The following RASSF8 variants were observed in gnomAD, a reference collection of about 807,000 sequenced individuals.
RASSF8 encodes Ras association domain family member 8, also known as ras association domain-containing protein 8.
RASSF8 carries 22 observed loss-of-function variants against 48.5 expected under a neutral mutation model. The observed-to-expected ratio is 0.45, with a 90% CI of 0.32 to 0.65. The LOEUF is 0.65. RASSF8 is among the 30% of genes least tolerant of loss of function. The pLI, the probability that RASSF8 is intolerant of heterozygous loss-of-function variation, is 0.03. For synonymous variants in RASSF8, 127 were observed against 171.5 expected (o/e 0.74, Z 2.03); for missense variants, 418 against 489.2 (o/e 0.85, Z 1.37).
intron 2 of RASSF8, among the ~76,000 whole-genome samples, chr12:25,995,450 G>A (rs1231631090): frequency 6.6e-6 from 1 of 152,080 alleles, no homozygotes; most frequent in East Asian, 1.9e-4. Context: ...CCACTCTTGG[G>A]CTTTCTGAGC....
intron 3 of RASSF8, among the ~76,000 whole-genome samples, chr12:26,060,054 C>T (rs1358230601): frequency 1.3e-5 from 2 of 152,108 alleles, no homozygotes; most frequent in South Asian, 2.1e-4. Flanking sequence ...CCCACCACCA[C>T]GCCCAGCTAA....
In RASSF8 at chr12:26,071,882, C is replaced by A; in HGVS notation, c.*3064C>A. The A allele has an allele frequency of 1.0e-6, 1 of 984,808 alleles. No homozygotes were observed. The highest frequency in any genetic ancestry group is 1.2e-6 in the Non-Finnish European group (1 of 829,442). The allele number at this position is 984,808 out of a possible 1,614,324, so 61.0% of individuals were successfully genotyped here. The stretch of plus-strand genomic sequence containing the variant: ...AATATATAACAAGAACATGTAAGCA[C>A]TTGCTTCCACAGCATAAATGTAATT... On this transcript the variant is annotated 3_prime_UTR_variant, in exon 6 of 6. Coordinates refer to ENST00000689635, the MANE Select transcript of RASSF8 (RefSeq NM_001394098.1).
chr12:26,055,288 T>C lies in RASSF8; in HGVS notation c.-56T>C. On this transcript the variant is annotated 5_prime_UTR_variant, in exon 3 of 6. It removes an upstream start codon present in the reference 5' UTR. Transcript: ENST00000689635. Reference sequence around the variant, plus strand: ...CTCCGTGTTCCTGCAGCTAGAGACATGACCTAACACCCTGATGACCACTCT... The same window carrying C: ...CTCCGTGTTCCTGCAGCTAGAGACACGACCTAACACCCTGATGACCACTCT... 7.1e-7 allele frequency: 1 copy of C among 1,413,058 alleles called. No homozygotes were observed. Among genetic ancestry groups the C allele is most frequent in the South Asian group, 1.2e-5 (1 of 86,898 alleles). The allele number at this position is 1,413,058 out of a possible 1,614,324, so 87.5% of individuals were successfully genotyped here.
intron 2 of RASSF8, among the ~76,000 whole-genome samples, chr12:26,044,947 A>G (rs1257219197): frequency 6.6e-6 from 1 of 152,208 alleles, no homozygotes; most frequent in Admixed American, 6.5e-5. Flanking sequence ...ACAGTGAATA[A>G]TGAGCCTCTC....
At chr12:25,987,974 C>T (rs1941926078) in intron 1 of RASSF8, among the ~76,000 whole-genome samples, 1 of 151,880 alleles carries the variant, frequency 6.6e-6, no homozygotes, top group South Asian at 2.1e-4. Context: ...GCCTCAGCCT[C>T]CTGAGTAGCT....
rs560616482 is a variant in RASSF8, at chr12:25,993,432, T to TG, written c.-202-1604dup. 5.9e-5 allele frequency among the ~76,000 whole-genome samples: 9 copies of TG among 152,318 alleles called. No homozygotes were observed. The East Asian group carries it at 1.7e-3, about 29-fold the overall frequency. ...TTGAAAACACAACTAAAAAGAGAGA[T>TG]GAGATGAGGCTTTACTGAAGAAAAG... On this transcript the variant is annotated intron_variant, in intron 1 of 5. Transcript: ENST00000689635.
At chr12:25,984,530 A>G (rs940232042) in intron 1 of RASSF8, among the ~76,000 whole-genome samples, 1 of 152,146 alleles carries the variant, frequency 6.6e-6, no homozygotes, top group Non-Finnish European at 1.5e-5. Flanking sequence ...TTTAGTAGAT[A>G]CAGGGTTTCA....
At chr12:26,043,290 G>C (rs1044369628) in intron 2 of RASSF8, among the ~76,000 whole-genome samples, 1 of 152,198 alleles carries the variant, frequency 6.6e-6, no homozygotes, top group Non-Finnish European at 1.5e-5. Flanking sequence ...ACCAAGGAAG[G>C]AGAGCAGCAT....
chr12:25,998,839 T>C (rs1039594100), intron 2 of RASSF8, among the ~76,000 whole-genome samples: 1 of 151,934 alleles, frequency 6.6e-6, no homozygotes, highest in African/African-American at 2.4e-5. Flanking sequence ...GGAGAGTTCA[T>C]GGCTAGTCTA....
intron 1 of RASSF8, among the ~76,000 whole-genome samples, chr12:25,971,137 G>T (rs1941474853): frequency 6.6e-6 from 1 of 152,226 alleles, no homozygotes; most frequent in Non-Finnish European, 1.5e-5. Flanking sequence ...AGCCCTCGAT[G>T]CAGTTCAAGG....
chr12:26,003,500 A>T (rs185893170), intron 2 of RASSF8, among the ~76,000 whole-genome samples: 14 of 152,242 alleles, frequency 9.2e-5, no homozygotes, highest in Admixed American at 9.2e-4. Context: ...TATGCAGCCA[A>T]TAAAAGAGTT....
Position 26,035,473 on chromosome 12 carries a change from ATATAATT to A in RASSF8, c.-108-19762_-108-19756del, listed in dbSNP as rs1416097347. Among the ~76,000 whole-genome samples, 231 of 112,846 alleles carry A rather than the reference ATATAATT, an allele frequency of 2.0e-3. 1 individual carries two copies. The highest frequency in any genetic ancestry group is 6.5e-3 in the African/African-American group (227 of 34,752). 74.0% of individuals were successfully genotyped at this position (112,846 alleles called of 152,430 possible). ...GTATATGAAATTATATAATTATATT[ATATAATT>A]ATATAATTATATGAAATTATATAAT... On this transcript the variant is annotated intron_variant, in intron 2 of 5. Transcript: ENST00000689635.
At chr12:26,032,424 A>G (rs1291634667) in intron 2 of RASSF8, among the ~76,000 whole-genome samples, 3 of 152,202 alleles carry the variant, frequency 2.0e-5, no homozygotes, top group African/African-American at 4.8e-5. Flanking sequence ...CACTGTTTGT[A>G]TGGAGAAGTA....
intron 3 of RASSF8, among the ~76,000 whole-genome samples, chr12:26,061,920 A>C (rs985551305): frequency 2.0e-5 from 3 of 152,248 alleles, no homozygotes; most frequent in Non-Finnish European, 4.4e-5. Flanking sequence ...CAATACTGGC[A>C]GTAAAAGCAA....
chr12:26,007,900 T>G (rs983358636), intron 2 of RASSF8, among the ~76,000 whole-genome samples: 1 of 152,232 alleles, frequency 6.6e-6, no homozygotes, highest in South Asian at 2.1e-4. Flanking sequence ...AAATTACATT[T>G]TTTATTCCTG....
intron 1 of RASSF8, among the ~76,000 whole-genome samples, chr12:25,992,740 G>A (rs1942043567): frequency 2.0e-5 from 3 of 152,140 alleles, no homozygotes; most frequent in Admixed American, 1.3e-4. Flanking sequence ...ATGTGAAGGG[G>A]TTTGTGGAAA....
chr12:26,050,484 G>C (rs1943468674), intron 2 of RASSF8, among the ~76,000 whole-genome samples: 1 of 152,102 alleles, frequency 6.6e-6, no homozygotes, highest in South Asian at 2.1e-4. Context: ...ATGCTGCTTG[G>C]AAAAATATGC....
intron 1 of RASSF8, among the ~76,000 whole-genome samples, chr12:25,989,081 A>G (rs1046085578): frequency 6.6e-6 from 1 of 152,170 alleles, no homozygotes; most frequent in Non-Finnish European, 1.5e-5. Context: ...GTAAAGACAG[A>G]TTTACAATGT....
At chr12:26,058,538 G>GCACACACA (rs61465811) in intron 3 of RASSF8, among the ~76,000 whole-genome samples, 129 of 149,104 alleles carry the variant, frequency 8.7e-4, no homozygotes, top group African/African-American at 2.2e-3. Flanking sequence ...ACGCGCGCGC[G>GCACACACA]CACACACACA....
Sources: gnomAD v4.1 joint callset for allele counts (sites outside exome capture counted in the v4.1 genomes callset) on GRCh38, gnomAD v4.1.1 for gene constraint, MANE v1.5 for transcripts, NCBI Gene and HGNC (gene_info 2026-07-23, HGNC 2026-07-21) for gene names.